ADGRL3: variants seen among roughly 807,000 people sequenced by gnomAD.
The protein encoded by ADGRL3 is calcium-independent alpha-latrotoxin receptor 3.
Under a neutral mutation model 153.5 loss-of-function variants are expected in ADGRL3, and 62 were observed. That is an observed-to-expected ratio of 0.40 (90% CI 0.33 to 0.50). The LOEUF is 0.50. Ranked by LOEUF, ADGRL3 falls within the 20% of genes least tolerant of loss-of-function variation. The probability of loss-of-function intolerance (pLI) is 0.47; values close to 1 mark genes in which losing one functional copy is unlikely to be tolerated. For synonymous variants in ADGRL3, 710 were observed against 672.5 expected (o/e 1.06, Z -0.86); for missense variants, 1,641 against 1,859.4 (o/e 0.88, Z 2.16).
intron 1 of ADGRL3, among the ~76,000 whole-genome samples, chr4:61,332,822 A>G (rs1198789229): frequency 6.6e-6 from 1 of 151,982 alleles, no homozygotes; most frequent in Non-Finnish European, 1.5e-5. Flanking sequence ...TGTCTTGAAA[A>G]AAATGCACTT....
chr4:61,283,077 A>G (rs1403303964), intron 1 of ADGRL3, among the ~76,000 whole-genome samples: 1 of 152,000 alleles, frequency 6.6e-6, no homozygotes, highest in Non-Finnish European at 1.5e-5. Flanking sequence ...CCTTTGTAAT[A>G]CATTCTTATG....
intron 3 of ADGRL3, among the ~76,000 whole-genome samples, chr4:61,507,207 G>A (rs2098436333): frequency 6.6e-6 from 1 of 152,086 alleles, no homozygotes; most frequent in Admixed American, 6.6e-5. Flanking sequence ...TAATAATGAA[G>A]ACAAATAATG....
chr4:61,398,607 G>A (rs1160447109), intron 2 of ADGRL3, among the ~76,000 whole-genome samples: 2 of 151,224 alleles, frequency 1.3e-5, no homozygotes, highest in Non-Finnish European at 3.0e-5. Context: ...TCTTCCCTAG[G>A]TTTTGCTGAC....
chr4:61,920,897 A>G (rs559657553), intron 13 of ADGRL3, among the ~76,000 whole-genome samples: 14 of 152,322 alleles, frequency 9.2e-5, no homozygotes, highest in African/African-American at 2.6e-4. Context: ...GCAGCTGGGC[A>G]TAGTGTCCAA....
intron 4 of ADGRL3, among the ~76,000 whole-genome samples, chr4:61,567,636 G>T (rs2098821775): frequency 6.6e-6 from 1 of 152,092 alleles, no homozygotes; most frequent in African/African-American, 2.4e-5. Context: ...CCAGTTTATG[G>T]TATTTTGTTT....
intron 5 of ADGRL3, among the ~76,000 whole-genome samples, chr4:61,672,255 C>A (rs2095034401): frequency 6.6e-6 from 1 of 152,032 alleles, no homozygotes; most frequent in Non-Finnish European, 1.5e-5. Context: ...GATCCCATTT[C>A]TTTCTTCTTC....
chr4:61,700,303 A>G (rs2095730339), intron 6 of ADGRL3, among the ~76,000 whole-genome samples: 2 of 5,262 alleles, frequency 3.8e-4, no homozygotes. Flanking sequence ...TTCACAATAT[A>G]GAATATGAAA....
rs777196711 is a variant in ADGRL3 at position 61,766,373 on chromosome 4, GGCA to G, written c.1399+32825_1399+32827del. Among the ~76,000 whole-genome samples the G allele has an allele frequency of 9.6e-4, 145 of 151,112 alleles. 2 individuals are homozygous for G. Among genetic ancestry groups the G allele is most frequent in the South Asian group, 1.1e-3 (5 of 4,748 alleles). On this transcript the variant is annotated intron_variant, in intron 8 of 26. Coordinates refer to ENST00000683033, the MANE Select transcript of ADGRL3 (RefSeq NM_001387552.1). ...GGGCCTCTAAAAGTATTAATGCAGC[GGCA>G]GCAGCTGCATGCAGACATGAGGGCT...
intron 1 of ADGRL3, among the ~76,000 whole-genome samples, chr4:61,269,248 T>C (rs906073270): frequency 6.6e-6 from 1 of 151,688 alleles, no homozygotes; most frequent in African/African-American, 2.4e-5. Flanking sequence ...TTCTCTCTTT[T>C]TAATAGCATA....
chr4:61,503,757 A>T (rs1432405101), intron 3 of ADGRL3, among the ~76,000 whole-genome samples: 1 of 152,152 alleles, frequency 6.6e-6, no homozygotes, highest in Non-Finnish European at 1.5e-5. Context: ...TTATGAATAC[A>T]TAATATTTGT....
intron 4 of ADGRL3, among the ~76,000 whole-genome samples, chr4:61,576,378 A>G (rs1184499260): frequency 6.6e-6 from 1 of 151,562 alleles, no homozygotes; most frequent in African/African-American, 2.4e-5. Flanking sequence ...AGTCTATCAC[A>G]TCCTGATTAT....
At chr4:61,290,599 G>T (rs2094136805) in intron 1 of ADGRL3, among the ~76,000 whole-genome samples, 1 of 151,406 alleles carries the variant, frequency 6.6e-6, no homozygotes, top group Non-Finnish European at 1.5e-5. Flanking sequence ...AGCTATAATT[G>T]TACCACTGCA....
intron 5 of ADGRL3, among the ~76,000 whole-genome samples, chr4:61,649,363 A>G (rs1489816589): frequency 6.6e-6 from 1 of 152,108 alleles, no homozygotes; most frequent in Admixed American, 6.5e-5. Flanking sequence ...ATCTAAATTT[A>G]CCATATTAAA....
chr4:61,487,009 C>A (rs189318702), intron 2 of ADGRL3, among the ~76,000 whole-genome samples: 1 of 152,288 alleles, frequency 6.6e-6, no homozygotes, highest in Admixed American at 6.5e-5. Context: ...ATGATTCTTG[C>A]AGGCTAAAGT....
At chr4:61,951,418 G>T (rs1187038655) in intron 17 of ADGRL3, among the ~76,000 whole-genome samples, 2 of 152,214 alleles carry the variant, frequency 1.3e-5, no homozygotes, top group South Asian at 2.1e-4. Context: ...GGGTCTCAGG[G>T]TATACCTGTA....
At chr4:61,592,459 A>G (rs1332151249) in intron 5 of ADGRL3, among the ~76,000 whole-genome samples, 1 of 152,190 alleles carries the variant, frequency 6.6e-6, no homozygotes, top group Non-Finnish European at 1.5e-5. Context: ...TGTAATAAAA[A>G]GAAAGAAAGG....
chr4:61,347,667 A>G (rs544887041), intron 1 of ADGRL3, among the ~76,000 whole-genome samples: 81 of 128,502 alleles, frequency 6.3e-4, no homozygotes, highest in African/African-American at 2.7e-3. Context: ...AACTGTGCAT[A>G]TGCTGTGAGA....
intron 8 of ADGRL3, among the ~76,000 whole-genome samples, chr4:61,774,273 C>T (rs1340552416): frequency 2.6e-5 from 4 of 151,056 alleles, no homozygotes; most frequent in Non-Finnish European, 4.4e-5. Context: ...AGGAGAATCA[C>T]TTGAACCTGG....
At chr4:61,666,953 T>G (rs932148108) in intron 5 of ADGRL3, among the ~76,000 whole-genome samples, 1 of 152,196 alleles carries the variant, frequency 6.6e-6, no homozygotes. Context: ...AGTGAAAGAT[T>G]ACAGCTTAGA....
Sources: allele counts gnomAD v4.1 joint callset (sites outside exome capture counted in the v4.1 genomes callset), GRCh38; gene constraint gnomAD v4.1.1; transcripts MANE v1.5; gene names NCBI Gene and HGNC (gene_info 2026-07-23, HGNC 2026-07-21).